LINGO2: variants seen among roughly 807,000 people sequenced by gnomAD.
LINGO2 encodes the protein leucine rich repeat and Ig domain containing 2, also known as leucine-rich repeat and immunoglobulin-like domain-containing nogo receptor-interacting protein 2.
A neutral mutation model predicts 30.6 loss-of-function variants in LINGO2; 14 were observed. The ratio of observed to expected loss-of-function variants is 0.46; its 90% CI spans 0.30 to 0.72. The LOEUF is 0.72. Ranked by LOEUF, LINGO2 falls within the 30% of genes least tolerant of loss-of-function variation. LINGO2 has a pLI of 0.07. For synonymous variants in LINGO2, 317 were observed against 288.5 expected, an observed-to-expected ratio of 1.10 and a Z score of -1.00; for missense variants, 729 against 751.7, an observed-to-expected ratio of 0.97 and a Z score of 0.35.
intron 4 of LINGO2, among the ~76,000 whole-genome samples, chr9:28,076,037 A>G (rs1825613253): frequency 6.6e-6 from 1 of 152,068 alleles, no homozygotes; most frequent in South Asian, 2.1e-4. Flanking sequence ...CTTCCTAATA[A>G]TTGCAATATT....
the LINGO2 span, among the ~76,000 whole-genome samples, chr9:28,725,397 A>G: frequency 6.6e-6 from 1 of 151,996 alleles, no homozygotes; most frequent in Admixed American, 6.6e-5. Flanking sequence ...AAAATGATTA[A>G]ACACAGATAG....
Position 28,298,709 on chromosome 9 carries a change from A to G in LINGO2, c.-245-3343T>C, listed in dbSNP as rs571596813. Reference sequence around the variant, plus strand: ...AAAAAAAAAAAAAAAATCAGAATGAATGTATTTTCTTGTATGTAAATTACA... The same window carrying G: ...AAAAAAAAAAAAAAAATCAGAATGAGTGTATTTTCTTGTATGTAAATTACA... On this transcript the variant is annotated intron_variant, in intron 3 of 5. Coordinates refer to ENST00000379992, the Ensembl canonical transcript of LINGO2. Among the ~76,000 whole-genome samples, 10 of 152,072 alleles carry G rather than the reference A, an allele frequency of 6.6e-5. No homozygotes were observed. In the East Asian group the frequency reaches 1.9e-3, roughly 29 times the overall value.
chr9:27,946,670 T>A (rs1203609555), downstream of LINGO2, among the ~76,000 whole-genome samples: 2 of 152,160 alleles, frequency 1.3e-5, no homozygotes, highest in Admixed American at 1.3e-4. Flanking sequence ...CCCCATTCCA[T>A]TTGCACACAA....
intron 5 of LINGO2, among the ~76,000 whole-genome samples, chr9:27,978,581 G>C (rs1820714290): frequency 6.6e-6 from 1 of 152,032 alleles, no homozygotes; most frequent in Non-Finnish European, 1.5e-5. Context: ...GCCTTTAGCA[G>C]ATACCACATA....
the LINGO2 span, among the ~76,000 whole-genome samples, chr9:28,761,798 G>T: frequency 3.3e-5 from 5 of 151,964 alleles, no homozygotes; most frequent in Non-Finnish European, 7.4e-5. Context: ...ACTAGGTAAA[G>T]TTAGGATGAA....
chr9:29,068,237 G>A, the LINGO2 span, among the ~76,000 whole-genome samples: 2 of 151,680 alleles, frequency 1.3e-5, no homozygotes, highest in African/African-American at 4.8e-5. Context: ...AATAAATTAA[G>A]GAGACTATGA....
chr9:28,710,386 G>A, the LINGO2 span, among the ~76,000 whole-genome samples: 3 of 151,896 alleles, frequency 2.0e-5, no homozygotes, highest in Non-Finnish European at 4.4e-5. Context: ...TTGTTATAGC[G>A]ACCCAAATGG....
intron 4 of LINGO2, among the ~76,000 whole-genome samples, chr9:28,183,007 C>T (rs759717142): frequency 3.3e-5 from 5 of 152,078 alleles, no homozygotes; most frequent in African/African-American, 4.8e-5. Context: ...CACATGCACT[C>T]GTATGTTTAT....
the LINGO2 span, among the ~76,000 whole-genome samples, chr9:28,802,594 T>C: frequency 3.3e-5 from 5 of 152,136 alleles, no homozygotes; most frequent in African/African-American, 1.2e-4. Flanking sequence ...GTCTCTAATA[T>C]GGAAGAAACT....
chr9:28,926,681 G>C, the LINGO2 span, among the ~76,000 whole-genome samples: 1 of 152,098 alleles, frequency 6.6e-6, no homozygotes, highest in Non-Finnish European at 1.5e-5. Flanking sequence ...TAATGTGTAC[G>C]TAAGTTACTG....
At chr9:28,105,113 T>C (rs1368043650) in intron 4 of LINGO2, among the ~76,000 whole-genome samples, 2 of 152,178 alleles carry the variant, frequency 1.3e-5, no homozygotes, top group Admixed American at 6.6e-5. Context: ...TATGCAGTAA[T>C]AGACATCTAG....
At chr9:28,385,093 G>T (rs1056339350) in intron 2 of LINGO2, among the ~76,000 whole-genome samples, 1 of 152,168 alleles carries the variant, frequency 6.6e-6, no homozygotes, top group Non-Finnish European at 1.5e-5. Flanking sequence ...GAGGGCACAA[G>T]AAAGGTGTAG....
chr9:28,887,334 A>C, the LINGO2 span, among the ~76,000 whole-genome samples: 116,134 of 151,624 alleles, frequency 0.77, 44,838 homozygotes, highest in Non-Finnish European at 0.82. Flanking sequence ...AATGAGGCCT[A>C]TTGTTCTAAC....
At chr9:29,083,603 C>T in the LINGO2 span, among the ~76,000 whole-genome samples, 344 of 151,128 alleles carry the variant, frequency 2.3e-3, 1 homozygote, top group African/African-American at 7.5e-3. Flanking sequence ...AAGAAGAATG[C>T]ACCTGGGGAG....
intron 4 of LINGO2, among the ~76,000 whole-genome samples, chr9:28,249,279 G>T (rs1284504389): frequency 6.6e-6 from 1 of 152,014 alleles, no homozygotes; most frequent in Non-Finnish European, 1.5e-5. Context: ...ACCTAGAAAT[G>T]TTTATTTCTG....
At chr9:28,491,977 A>G (rs1458899371) in intron 1 of LINGO2, among the ~76,000 whole-genome samples, 1 of 152,220 alleles carries the variant, frequency 6.6e-6, no homozygotes, top group Non-Finnish European at 1.5e-5. Flanking sequence ...AACTGAACAA[A>G]TGTATCAAAT....
At chr9:28,990,165 T>C in the LINGO2 span, among the ~76,000 whole-genome samples, 1 of 152,090 alleles carries the variant, frequency 6.6e-6, no homozygotes, top group Non-Finnish European at 1.5e-5. Context: ...ACTGCGCTTT[T>C]CTGACAGGAT....
intron 5 of LINGO2, among the ~76,000 whole-genome samples, chr9:27,997,965 G>A (rs117085037): frequency 1.3e-5 from 2 of 151,758 alleles, no homozygotes; most frequent in Admixed American, 6.6e-5. Context: ...GGGGTGGGAG[G>A]GGGGGAGGTG....
chr9:29,193,659 G>C, the LINGO2 span, among the ~76,000 whole-genome samples: 1 of 152,116 alleles, frequency 6.6e-6, no homozygotes, highest in African/African-American at 2.4e-5. Context: ...GGTAAGATTT[G>C]GGAAGTGGCA....
Sources: gnomAD v4.1 joint callset for allele counts (sites outside exome capture counted in the v4.1 genomes callset) on GRCh38, gnomAD v4.1.1 for gene constraint, MANE v1.5 for transcripts, NCBI Gene and HGNC (gene_info 2026-07-23, HGNC 2026-07-21) for gene names.